TENT5C: variants seen among roughly 807,000 people sequenced by gnomAD.
TENT5C encodes the protein terminal nucleotidyltransferase 5C.
In TENT5C, 5 loss-of-function variants were observed where a neutral mutation model predicts 22.2. The observed-to-expected ratio is 0.22, with a 90% confidence interval of 0.12 to 0.47. TENT5C has a LOEUF of 0.47. Ranked by LOEUF, TENT5C falls within the 20% of genes least tolerant of loss-of-function variation. The probability of loss-of-function intolerance (pLI) is 0.99; values close to 1 mark genes in which losing one functional copy is unlikely to be tolerated. For synonymous variants in TENT5C, 199 were observed against 195.4 expected (o/e 1.02, Z -0.15); for missense variants, 364 against 500.9 (o/e 0.73, Z 2.61).
At chr1:117,612,362 T>TTA (rs1254774998) in intron 1 of TENT5C, among the ~76,000 whole-genome samples, 2 of 151,836 alleles carry the variant, frequency 1.3e-5, no homozygotes, top group Middle Eastern at 3.4e-3. Context: ...TTTTTTTTTT[T>TTA]ATAGTTTCTT....
intron 1 of TENT5C, among the ~76,000 whole-genome samples, chr1:117,622,444 C>T (rs1315913099): frequency 2.6e-5 from 4 of 151,904 alleles, no homozygotes; most frequent in Non-Finnish European, 5.9e-5. Context: ...CACCTTCAGC[C>T]TAGGTGTCAA....
At position 117,623,068 on chromosome 1, in the gene TENT5C, A is replaced by C; in HGVS notation, c.200A>C (p.His67Pro). The change falls in exon 2 of 2, where the codon CAC becomes CCC. Residue 67 changes from histidine (H) to proline (P), a missense_variant. By Grantham distance (77) the His-to-Pro change is moderately conservative. Around this residue, in one of 3 missense-constraint regions of TENT5C, gnomAD observed 303 missense variants for 394.5 expected, o/e 0.77. Coordinates refer to ENST00000369448, the MANE Select transcript of TENT5C (RefSeq NM_017709.4). ...SRLEEAGIKV[H>P]DVRLNGSAAG... ...CTGGAGGAGGCAGGCATCAAAGTGCACGACGTCCGGCTGAATGGCTCCGCA... is the reference window on the plus strand; with the variant it reads ...CTGGAGGAGGCAGGCATCAAAGTGCCCGACGTCCGGCTGAATGGCTCCGCA... The C allele has an allele frequency of 6.2e-7, 1 of 1,614,220 alleles. No individual in the cohort carries two copies. Among genetic ancestry groups the C allele is most frequent in the Non-Finnish European group, 8.5e-7 (1 of 1,180,040 alleles).
At chr1:117,613,981 T>G (rs2101074963) in intron 1 of TENT5C, among the ~76,000 whole-genome samples, 2 of 152,356 alleles carry the variant, frequency 1.3e-5, no homozygotes, top group Middle Eastern at 6.8e-3. Flanking sequence ...TATTGGCCTT[T>G]TAAAAAGTAA....
At chr1:117,613,520 T>C (rs1388891375) in intron 1 of TENT5C, among the ~76,000 whole-genome samples, 1 of 152,204 alleles carries the variant, frequency 6.6e-6, no homozygotes, top group Non-Finnish European at 1.5e-5. Flanking sequence ...TGGGTGTCTA[T>C]GGATGGAGCC....
Position 117,627,804 on chromosome 1 carries a change from T to C in TENT5C, c.*3760T>C. ...AAGATCTGGCAACTTTTCAGGATTATTTGTGGAGAACTCTAAGGTTAAGAT... is the reference window on the plus strand; with the variant it reads ...AAGATCTGGCAACTTTTCAGGATTACTTGTGGAGAACTCTAAGGTTAAGAT... On this transcript the variant is annotated 3_prime_UTR_variant, in exon 2 of 2. Transcript: ENST00000369448. 4.0e-6 allele frequency: 1 copy of C among 247,978 alleles called. No homozygotes were observed. Among genetic ancestry groups the C allele is most frequent in the African/African-American group, 2.2e-5 (1 of 45,386 alleles). 15.4% of individuals were successfully genotyped at this position (247,978 alleles called of 1,614,324 possible). A position where few individuals can be genotyped will look rare whatever the true frequency, so the allele number is the denominator to read the frequency against.
rs555336931 is a variant in TENT5C, at chr1:117,616,016, A to G, written c.-27-6826A>G. 2.6e-4 allele frequency among the ~76,000 whole-genome samples: 39 copies of G among 152,334 alleles called. No homozygotes were observed. The South Asian group carries it at 6.8e-3, about 27-fold the overall frequency. ...ATGAGAACTGGTGATCCCAGTGCAC[A>G]TGTGGGTTGTGACATGTGCTTGTCA... On this transcript the variant is annotated intron_variant, in intron 1 of 1. Transcript: ENST00000369448.
chr1:117,618,108 CTG>C (rs1391852948), intron 1 of TENT5C, among the ~76,000 whole-genome samples: 2 of 152,216 alleles, frequency 1.3e-5, no homozygotes, highest in Admixed American at 6.5e-5. Flanking sequence ...ATGTCCCACA[CTG>C]TGCTTTTATA....
At chr1:117,621,446 T>A (rs1256350043) in intron 1 of TENT5C, among the ~76,000 whole-genome samples, 1 of 152,132 alleles carries the variant, frequency 6.6e-6, no homozygotes, top group African/African-American at 2.4e-5. Flanking sequence ...TATTGATAGC[T>A]CATATTTTCA....
chr1:117,617,532 A>G (rs1176382061), intron 1 of TENT5C, among the ~76,000 whole-genome samples: 1 of 152,218 alleles, frequency 6.6e-6, no homozygotes, highest in African/African-American at 2.4e-5. Flanking sequence ...GGAACAAATT[A>G]TGGTTTCCAC....
intron 1 of TENT5C, among the ~76,000 whole-genome samples, chr1:117,608,172 T>C (rs996252160): frequency 1.3e-5 from 2 of 152,162 alleles, no homozygotes; most frequent in Non-Finnish European, 2.9e-5. Flanking sequence ...GCACATAGAA[T>C]TAACAGCCAT....
intron 1 of TENT5C, among the ~76,000 whole-genome samples, chr1:117,611,137 G>T (rs1019487850): frequency 1.3e-5 from 2 of 152,182 alleles, no homozygotes; most frequent in African/African-American, 4.8e-5. Context: ...ATGGGCATTA[G>T]GATCTCCACA....
At chr1:117,620,212 C>T (rs769771380) in intron 1 of TENT5C, among the ~76,000 whole-genome samples, 4 of 152,170 alleles carry the variant, frequency 2.6e-5, no homozygotes, top group African/African-American at 7.2e-5. Context: ...TCCTACATGA[C>T]GTCTTTTTGA....
At chr1:117,606,244 C>A (rs1459600770) in intron 1 of TENT5C, 91 bp downstream of exon 1, 4 of 150,508 alleles carry the variant, frequency 2.7e-5, no homozygotes, top group Non-Finnish European at 6.0e-5. Context: ...TCCGCCCCCA[C>A]TAAGTGGTGC....
intron 1 of TENT5C, among the ~76,000 whole-genome samples, chr1:117,610,507 C>T (rs1049667593): frequency 5.3e-5 from 8 of 152,210 alleles, no homozygotes; most frequent in Non-Finnish European, 1.0e-4. Flanking sequence ...GCTCTTTTCA[C>T]ACCTCGATTC....
intron 1 of TENT5C, among the ~76,000 whole-genome samples, chr1:117,621,114 A>T (rs1653884313): frequency 6.6e-6 from 1 of 152,176 alleles, no homozygotes; most frequent in South Asian, 2.1e-4. Flanking sequence ...GCTTTGTAGG[A>T]TGATCTAGAT....
intron 1 of TENT5C, among the ~76,000 whole-genome samples, chr1:117,617,866 C>G (rs145148233): frequency 6.6e-6 from 1 of 152,330 alleles, no homozygotes; most frequent in African/African-American, 2.4e-5. Context: ...CAATGTTTGT[C>G]TAAGTAACTT....
At position 117,622,981 on chromosome 1, in the gene TENT5C, G is replaced by A. The variant is rs148397151; in HGVS notation, c.113G>A (p.Arg38Gln). The change falls in exon 2 of 2, where the codon CGA (arginine) becomes CAA (glutamine). Residue 38 changes from arginine to glutamine, a missense_variant. By Grantham distance (43) the Arg-to-Gln change is conservative. Around this residue, in one of 3 missense-constraint regions of TENT5C, gnomAD observed 303 missense variants for 394.5 expected, o/e 0.77. Coordinates refer to ENST00000369448, the MANE Select transcript of TENT5C (RefSeq NM_017709.4). ...VLTEVVPIHG[R>Q]GNFPTLEITL... is the part of the protein sequence containing the mutation. ...ACTGAAGTTGTACCTATCCACGGAC[G>A]AGGCAACTTTCCAACCTTGGAGATA... The A allele has an allele frequency of 4.1e-4, 666 of 1,614,102 alleles. No individual in the cohort carries two copies. The highest frequency in any genetic ancestry group is 5.3e-4 in the Non-Finnish European group (622 of 1,180,036).
At position 117,628,302 on chromosome 1, in the gene TENT5C, T is replaced by C. The variant is rs1654057988; in HGVS notation, c.*4258T>C. On this transcript the variant is annotated 3_prime_UTR_variant, in exon 2 of 2. Coordinates refer to ENST00000369448, the MANE Select transcript of TENT5C (RefSeq NM_017709.4). The stretch of plus-strand genomic sequence containing the variant: ...TGATGCAGATAAAATCACTTGTCAA[T>C]GCAAAATGTGTTAGAACTTGATAAA... 1 of 246,564 alleles carries C rather than the reference T, an allele frequency of 4.1e-6. No individual in the cohort carries two copies. 15.3% of individuals were successfully genotyped at this position (246,564 alleles called of 1,614,324 possible).
At chr1:117,620,810 A>T (rs1653878130) in intron 1 of TENT5C, among the ~76,000 whole-genome samples, 2 of 152,156 alleles carry the variant, frequency 1.3e-5, no homozygotes, top group Non-Finnish European at 1.5e-5. Context: ...CTGAGGGTGA[A>T]ACAGGAACAG....
Sources: allele counts gnomAD v4.1 joint callset (sites outside exome capture counted in the v4.1 genomes callset), GRCh38; gene constraint gnomAD v4.1.1; regional missense constraint gnomAD v4.1.1; transcripts MANE v1.5; gene names NCBI Gene and HGNC (gene_info 2026-07-23, HGNC 2026-07-21).